FAM193A: variants seen among roughly 807,000 people sequenced by gnomAD.
FAM193A encodes protein FAM193A.
FAM193A carries 22 observed loss-of-function variants against 126.5 expected under a neutral mutation model. That is an observed-to-expected ratio of 0.17 (90% CI 0.12 to 0.25). The LOEUF is 0.25. FAM193A is among the 10% of genes least tolerant of loss of function. The pLI is 1.00. For synonymous variants in FAM193A, 761 were observed against 646.8 expected (o/e 1.18, Z -2.68); for missense variants, 1,675 against 1,672.8 (o/e 1.00, Z -0.02).
intron 1 of FAM193A, among the ~76,000 whole-genome samples, chr4:2,541,892 G>A (rs780668427): frequency 1.8e-4 from 28 of 151,848 alleles, no homozygotes; most frequent in African/African-American, 4.4e-4. Context: ...GTGCAGTGGC[G>A]CCATCTCGGC....
Position 2,637,254 on chromosome 4 carries a change from G to A in FAM193A, c.1039-2481G>A, listed in dbSNP as rs1744174121. ...AGGCAAGAGGATTGCTTGAGCCTGG[G>A]AGGCGGAGGTTGCAGTGAGCCAAGA... On this transcript the variant is annotated intron_variant, in intron 5 of 20. Coordinates refer to ENST00000637812, the MANE Select transcript of FAM193A (RefSeq NM_001366318.2). 2.0e-5 allele frequency among the ~76,000 whole-genome samples: 3 copies of A among 152,320 alleles called. No homozygotes were observed. In the South Asian group the frequency reaches 6.2e-4, roughly 32 times the overall value.
At position 2,693,668 on chromosome 4, in the gene FAM193A, C is replaced by G; in HGVS notation, c.2886C>G (p.Ala962=). ...AAPRNSPTGL[A]PLPALSPAAL... ...CGAGGAATAGCCCCACGGGCTTGGCCCCCCTCCCAGCGCTCTCGCCTGCTG... is the reference window on the plus strand; with the variant it reads ...CGAGGAATAGCCCCACGGGCTTGGCGCCCCTCCCAGCGCTCTCGCCTGCTG... Residue 962 remains alanine, a synonymous_variant, in exon 16 of 21, where the codon GCC becomes GCG. Transcript: ENST00000637812. The G allele has an allele frequency of 6.2e-7, 1 of 1,614,188 alleles. No homozygotes were observed. The highest frequency in any genetic ancestry group is 8.5e-7 in the Non-Finnish European group (1 of 1,180,020).
At chr4:2,540,386 T>A (rs1356675272) in intron 1 of FAM193A, among the ~76,000 whole-genome samples, 2 of 152,088 alleles carry the variant, frequency 1.3e-5, no homozygotes, top group African/African-American at 4.8e-5. Context: ...GAGAATAGTG[T>A]GAACCTGGGA....
intron 7 of FAM193A, among the ~76,000 whole-genome samples, chr4:2,647,718 G>A (rs1041719942): frequency 3.3e-5 from 5 of 152,184 alleles, no homozygotes; most frequent in Non-Finnish European, 5.9e-5. Context: ...CTCTCCTAAA[G>A]CAGGGTTGGG....
At chr4:2,726,458 G>GA (rs1407772038) in intron 20 of FAM193A, among the ~76,000 whole-genome samples, 20 of 151,288 alleles carry the variant, frequency 1.3e-4, no homozygotes, top group Non-Finnish European at 1.8e-4. Flanking sequence ...GGGTTTCAGG[G>GA]AAAAAAAAGG....
At chr4:2,633,765 C>T (rs528201480) in intron 5 of FAM193A, among the ~76,000 whole-genome samples, 7 of 152,192 alleles carry the variant, frequency 4.6e-5, no homozygotes, top group African/African-American at 1.2e-4. Flanking sequence ...TGGTGGCACG[C>T]GCCTATAATC....
At chr4:2,624,310 A>T (rs1742752398) in intron 2 of FAM193A, among the ~76,000 whole-genome samples, 1 of 151,946 alleles carries the variant, frequency 6.6e-6, no homozygotes, top group African/African-American at 2.4e-5. Flanking sequence ...ATGCCTGGCT[A>T]ATTTTTGTGT....
chr4:2,710,750 C>T (rs1036308663), intron 19 of FAM193A, among the ~76,000 whole-genome samples: 4 of 152,152 alleles, frequency 2.6e-5, no homozygotes, highest in African/African-American at 9.7e-5. Context: ...AGCCATCTGC[C>T]CACCTAGGCC....
Position 2,631,098 on chromosome 4 carries a change from T to A in FAM193A, c.967T>A (p.Ser323Thr). 1 of 1,613,842 alleles carries A rather than the reference T, an allele frequency of 6.2e-7. No individual in the cohort carries two copies. Among genetic ancestry groups the A allele is most frequent in the Non-Finnish European group, 8.5e-7 (1 of 1,179,984 alleles). The change falls in exon 5 of 21, where the codon TCC becomes ACC. Residue 323 changes from serine to threonine, a missense_variant. Physicochemically the swap from Ser to Thr is moderately conservative, Grantham distance 58 (BLOSUM62 1). This residue lies in a region of FAM193A where 1,186 missense variants were observed against 1,109.2 expected (regional missense o/e 1.07). Transcript: ENST00000637812. ...CCCGCCGCAAGCGCACCAGTTCATC[T>A]CCCTCCTGCTTGAGGAGTACGGCGC... ...QGPPQAHQFI[S>T]LLLEEYGALC...
In FAM193A at chr4:2,732,163, A is replaced by G. The variant is rs1721474136; in HGVS notation, c.*295A>G. 2.3e-6 allele frequency: 1 copy of G among 436,248 alleles called. No homozygotes were observed. Among genetic ancestry groups the G allele is most frequent in the Non-Finnish European group, 4.3e-6 (1 of 234,492 alleles). 27.0% of individuals were successfully genotyped at this position (436,248 alleles called of 1,614,324 possible). A position where few individuals can be genotyped will look rare whatever the true frequency, so the allele number is the denominator to read the frequency against. ...TCGGAGGCCTGGGCCGTGGCCAGAT[A>G]GGAGTTTGCATCATCCACGTGGCTC... is the stretch of plus-strand genomic sequence containing the variant. On this transcript the variant is annotated 3_prime_UTR_variant, in exon 21 of 21. Transcript: ENST00000637812.
intron 12 of FAM193A, among the ~76,000 whole-genome samples, chr4:2,670,359 CAT>C (rs1211383921): frequency 3.3e-5 from 5 of 152,190 alleles, no homozygotes; most frequent in African/African-American, 1.2e-4. Flanking sequence ...ATTCTCTGAA[CAT>C]GTTATAACAG....
At chr4:2,558,659 G>A (rs989525005) in intron 1 of FAM193A, among the ~76,000 whole-genome samples, 1 of 152,134 alleles carries the variant, frequency 6.6e-6, no homozygotes. Flanking sequence ...GGGATGACTG[G>A]GATCACAGGC....
rs61731406 is a variant in FAM193A, at chr4:2,659,623, G to T, written c.1455G>T (p.Ser485=). The change falls in exon 9 of 21, where the codon TCG becomes TCT. Residue 485 remains serine, a synonymous_variant. Transcript: ENST00000637812. Reference sequence around the variant, plus strand: ...CAGACACCATGAGGCACATGTTATCGTCCCGGCTGAGCATGCCCGACTGCC... The same window carrying T: ...CAGACACCATGAGGCACATGTTATCTTCCCGGCTGAGCATGCCCGACTGCC... ...NFTDTMRHML[S]SRLSMPDCPN... is the part of the protein sequence containing the mutation. 6.2e-7 allele frequency: 1 copy of T among 1,614,120 alleles called. No homozygotes were observed. The highest frequency in any genetic ancestry group is 1.3e-5 in the African/African-American group (1 of 75,010).
At chr4:2,664,104 A>G (rs1232922422) in intron 12 of FAM193A, among the ~76,000 whole-genome samples, 5 of 152,240 alleles carry the variant, frequency 3.3e-5, no homozygotes, top group East Asian at 1.9e-4. Context: ...TGAAAGGTCT[A>G]TCTGGGAAGT....
At chr4:2,571,475 A>G (rs536382761) in intron 1 of FAM193A, among the ~76,000 whole-genome samples, 6 of 151,966 alleles carry the variant, frequency 3.9e-5, no homozygotes, top group East Asian at 1.9e-4. Flanking sequence ...TAGAAGTCCT[A>G]TTTTATTTAA....
intron 1 of FAM193A, among the ~76,000 whole-genome samples, chr4:2,558,928 A>G (rs1290948396): frequency 1.3e-5 from 2 of 152,182 alleles, no homozygotes; most frequent in Non-Finnish European, 2.9e-5. Context: ...TTGAACCCAG[A>G]GGGTGGAAGT....
chr4:2,583,100 C>T (rs2108882693), intron 1 of FAM193A, among the ~76,000 whole-genome samples: 1 of 152,342 alleles, frequency 6.6e-6, no homozygotes, highest in Non-Finnish European at 1.5e-5. Context: ...TCCAAAGTAG[C>T]TGCAGGCACC....
At chr4:2,618,924 G>T (rs1034632595) in intron 2 of FAM193A, among the ~76,000 whole-genome samples, 5 of 152,042 alleles carry the variant, frequency 3.3e-5, no homozygotes, top group Non-Finnish European at 5.9e-5. Flanking sequence ...TAGAGGTGGG[G>T]TTTCACCATG....
intron 1 of FAM193A, among the ~76,000 whole-genome samples, chr4:2,588,761 C>G (rs1054617776): frequency 2.6e-5 from 4 of 152,042 alleles, no homozygotes; most frequent in African/African-American, 9.7e-5. Context: ...CTGTTAATAC[C>G]TTATGCAAAA....
Sources: allele counts gnomAD v4.1 joint callset (sites outside exome capture counted in the v4.1 genomes callset), GRCh38; gene constraint gnomAD v4.1.1; regional missense constraint gnomAD v4.1.1; transcripts MANE v1.5; gene names NCBI Gene and HGNC (gene_info 2026-07-23, HGNC 2026-07-21).